CSGALNACT1: variants seen among roughly 807,000 people sequenced by gnomAD.
CSGALNACT1 encodes the protein beta4GalNAcT-1.
Under a neutral mutation model 51.0 loss-of-function variants are expected in CSGALNACT1, and 52 were observed. The ratio of observed to expected loss-of-function variants is 1.02; its 90% CI spans 0.82 to 1.29. CSGALNACT1 has a LOEUF of 1.29. Among genes scored for constraint, CSGALNACT1 ranks in the 50% most tolerant of loss-of-function variants. The pLI, the probability that CSGALNACT1 is intolerant of heterozygous loss-of-function variation, is 0.00. For missense variants in CSGALNACT1, 935 were observed against 679.2 expected, an observed-to-expected ratio of 1.38 and a Z score of -4.19; for synonymous variants, 341 against 254.4, an observed-to-expected ratio of 1.34 and a Z score of -3.24.
chr8:19,554,734 A>G (rs890210628), intron 3 of CSGALNACT1, among the ~76,000 whole-genome samples: 1 of 152,086 alleles, frequency 6.6e-6, no homozygotes, highest in Non-Finnish European at 1.5e-5. Flanking sequence ...CCTGCCCTAC[A>G]TGGTGAAACC....
At chr8:19,710,104 A>C (rs1362280756) in intron 1 of CSGALNACT1, among the ~76,000 whole-genome samples, 1 of 152,194 alleles carries the variant, frequency 6.6e-6, no homozygotes, top group Non-Finnish European at 1.5e-5. Flanking sequence ...ACTGCAACAA[A>C]ACCAGTTTCA....
chr8:19,653,283 A>T (rs1331448367), intron 1 of CSGALNACT1, among the ~76,000 whole-genome samples: 1 of 152,082 alleles, frequency 6.6e-6, no homozygotes, highest in Non-Finnish European at 1.5e-5. Flanking sequence ...GGCTGAGCAC[A>T]CAGCGCTGTT....
At chr8:19,554,992 C>A (rs111396653) in intron 3 of CSGALNACT1, among the ~76,000 whole-genome samples, 9,332 of 151,734 alleles carry the variant, frequency 0.062, 341 homozygotes, top group Middle Eastern at 0.16. Flanking sequence ...GTAATCCCAG[C>A]ATTTAGGGAC....
At chr8:19,620,314 C>T (rs1192222343) in intron 1 of CSGALNACT1, among the ~76,000 whole-genome samples, 10 of 64,758 alleles carry the variant, frequency 1.5e-4, no homozygotes, top group Admixed American at 2.0e-4. Flanking sequence ...GACTCTGTCT[C>T]AAAAAAAAAA....
At chr8:19,658,711 G>A (rs1367605680) in intron 1 of CSGALNACT1, among the ~76,000 whole-genome samples, 1 of 152,038 alleles carries the variant, frequency 6.6e-6, no homozygotes, top group Non-Finnish European at 1.5e-5. Flanking sequence ...TCCAGCCTGG[G>A]TGACAAAGCA....
At chr8:19,441,421 T>G (rs2061317200) in intron 5 of CSGALNACT1, among the ~76,000 whole-genome samples, 1 of 152,180 alleles carries the variant, frequency 6.6e-6, no homozygotes, top group African/African-American at 2.4e-5. Context: ...GCAGCATATC[T>G]ACAACCATCT....
intron 3 of CSGALNACT1, among the ~76,000 whole-genome samples, chr8:19,529,969 C>G (rs930677313): frequency 6.6e-6 from 1 of 152,088 alleles, no homozygotes; most frequent in Non-Finnish European, 1.5e-5. Flanking sequence ...GCCTGTAATC[C>G]TAGCACTTAG....
intron 3 of CSGALNACT1, among the ~76,000 whole-genome samples, chr8:19,557,241 T>C (rs1300914322): frequency 6.6e-6 from 1 of 152,168 alleles, no homozygotes; most frequent in East Asian, 1.9e-4. Context: ...GGAATCCCTG[T>C]CTACCCATAA....
intron 1 of CSGALNACT1, among the ~76,000 whole-genome samples, chr8:19,641,128 C>A (rs1209473449): frequency 1.0e-5 from 1 of 99,992 alleles, no homozygotes; most frequent in South Asian, 3.7e-4. Context: ...GGTGACTGGT[C>A]TTTTTTTTTT....
At chr8:19,753,891 T>A (rs2065196349) in intron 1 of CSGALNACT1, among the ~76,000 whole-genome samples, 1 of 152,196 alleles carries the variant, frequency 6.6e-6, no homozygotes, top group Admixed American at 6.5e-5. Context: ...AGTTGTTCAA[T>A]AAATATTCTC....
chr8:19,474,205 G>A (rs993605640), intron 4 of CSGALNACT1, among the ~76,000 whole-genome samples: 4 of 152,060 alleles, frequency 2.6e-5, no homozygotes, highest in African/African-American at 9.7e-5. Context: ...GGGCTCCATG[G>A]AAGTCTTCAA....
At chr8:19,735,185 C>A (rs2063904481) in intron 1 of CSGALNACT1, among the ~76,000 whole-genome samples, 1 of 152,126 alleles carries the variant, frequency 6.6e-6, no homozygotes, top group Admixed American at 6.5e-5. Context: ...CCCATCTCAG[C>A]ATTGGCTCTG....
chr8:19,492,182 G>T (rs555079982), intron 4 of CSGALNACT1, among the ~76,000 whole-genome samples: 1 of 152,194 alleles, frequency 6.6e-6, no homozygotes, highest in Non-Finnish European at 1.5e-5. Flanking sequence ...TATGCGAGAA[G>T]GCTCTTCTTT....
At chr8:19,755,247 T>A (rs2065281237) in intron 1 of CSGALNACT1, among the ~76,000 whole-genome samples, 1 of 151,944 alleles carries the variant, frequency 6.6e-6, no homozygotes, top group African/African-American at 2.4e-5. Context: ...GATGGATTCT[T>A]AGGAAGATAC....
At chr8:19,667,024 G>A (rs1182611490) in intron 1 of CSGALNACT1, among the ~76,000 whole-genome samples, 600 of 26,218 alleles carry the variant, frequency 0.023, 26 homozygotes, top group African/African-American at 0.071. Context: ...AGAAAGGAAG[G>A]AAGGAAGGAA....
upstream of CSGALNACT1, among the ~76,000 whole-genome samples, chr8:19,687,358 C>T (rs1443930335): frequency 6.6e-6 from 1 of 152,178 alleles, no homozygotes; most frequent in African/African-American, 2.4e-5. Flanking sequence ...TCTGACCCAT[C>T]AGAAGTTTTG....
chr8:19,442,101 C>A (rs1233793131), intron 5 of CSGALNACT1, among the ~76,000 whole-genome samples: 2 of 152,084 alleles, frequency 1.3e-5, no homozygotes, highest in Non-Finnish European at 2.9e-5. Flanking sequence ...GAAATAGGAA[C>A]ACTTTTTACA....
At chr8:19,416,605 AT>A (rs1293304382) in intron 8 of CSGALNACT1, among the ~76,000 whole-genome samples, 1 of 151,946 alleles carries the variant, frequency 6.6e-6, no homozygotes, top group Non-Finnish European at 1.5e-5. Context: ...TTTATACCAT[AT>A]TTTTCCTGTG....
intron 3 of CSGALNACT1, among the ~76,000 whole-genome samples, chr8:19,585,943 T>A (rs1039075552): frequency 6.6e-6 from 1 of 152,206 alleles, no homozygotes; most frequent in South Asian, 2.1e-4. Flanking sequence ...ACTGTGCCGA[T>A]GCCCAGGCTG....
Sources: gnomAD v4.1 joint callset for allele counts (sites outside exome capture counted in the v4.1 genomes callset) on GRCh38, gnomAD v4.1.1 for gene constraint, MANE v1.5 for transcripts, NCBI Gene and HGNC (gene_info 2026-07-23, HGNC 2026-07-21) for gene names.